GRK1: variants seen among roughly 807,000 people sequenced by gnomAD.
GRK1 encodes rhodopsin kinase GRK1.
A neutral mutation model predicts 41.7 loss-of-function variants in GRK1; 28 were observed. The ratio of observed to expected loss-of-function variants is 0.67; its 90% CI spans 0.50 to 0.92. The LOEUF is 0.92. Ranked by LOEUF, GRK1 falls within the 40% of genes least tolerant of loss-of-function variation. The pLI, the probability that GRK1 is intolerant of heterozygous loss-of-function variation, is 0.00. For missense variants in GRK1, 703 were observed against 671.2 expected (o/e 1.05, Z -0.52); for synonymous variants, 327 against 286.7 (o/e 1.14, Z -1.42).
chr13:113,730,040 C>T (rs2049923714), intron 4 of GRK1, among the ~76,000 whole-genome samples: 1 of 148,236 alleles, frequency 6.7e-6, no homozygotes, highest in African/African-American at 2.5e-5. Context: ...CGTGGCTGCA[C>T]CCAGACCCGT....
chr13:113,724,011 T>G (rs1202576987), intron 4 of GRK1, among the ~76,000 whole-genome samples: 2 of 152,196 alleles, frequency 1.3e-5, no homozygotes, highest in African/African-American at 4.8e-5. Flanking sequence ...TGTGTCCGTG[T>G]GCCTGTATGT....
At chr13:113,653,367 G>A in the GRK1 span, 2 of 1,614,194 alleles carry the variant, frequency 1.2e-6, no homozygotes, top group Non-Finnish European at 8.5e-7. Flanking sequence ...CCCAGGTTCT[G>A]TTATCAGAGA....
the GRK1 span, chr13:113,650,326 G>A: frequency 4.5e-6 from 6 of 1,324,998 alleles, no homozygotes; most frequent in Non-Finnish European, 6.5e-6. This position sits in a 1 kb window ranked among gnomAD's most constrained non-coding sequence, Gnocchi z 5.0. Flanking sequence ...TCTACATGAA[G>A]GGGCTTATTG....
At chr13:113,666,617 C>A (rs2049820996), upstream of GRK1, among the ~76,000 whole-genome samples, 1 of 152,072 alleles carries the variant, frequency 6.6e-6, no homozygotes, top group African/African-American at 2.4e-5. Flanking sequence ...CTCCGGGGAT[C>A]TTCTGCTCCC....
chr13:113,651,498 A>T, the GRK1 span, among the ~76,000 whole-genome samples: 17 of 152,174 alleles, frequency 1.1e-4, no homozygotes, highest in African/African-American at 3.9e-4. Flanking sequence ...GCTGGGTTTT[A>T]CCCGCCATGG....
At chr13:113,655,792 G>A in the GRK1 span, among the ~76,000 whole-genome samples, 1 of 152,238 alleles carries the variant, frequency 6.6e-6, no homozygotes, top group Non-Finnish European at 1.5e-5. Flanking sequence ...CATGGATTCT[G>A]CTTAGTGAGC....
chr13:113,663,652 G>A (rs977129907), upstream of GRK1, among the ~76,000 whole-genome samples: 1 of 152,182 alleles, frequency 6.6e-6, no homozygotes, highest in African/African-American at 2.4e-5. Context: ...CAAAAGATGT[G>A]AAGAGACATT....
At chr13:113,668,380 G>C (rs1345683340) in intron 1 of GRK1, among the ~76,000 whole-genome samples, 1 of 152,220 alleles carries the variant, frequency 6.6e-6, no homozygotes, top group African/African-American at 2.4e-5. Context: ...AAGTGTGGGG[G>C]AAAGAGGACC....
At chr13:113,653,529 G>T in the GRK1 span, 2 of 1,077,718 alleles carry the variant, frequency 1.9e-6, no homozygotes, top group Non-Finnish European at 2.8e-6. Flanking sequence ...AGAGGCGGTG[G>T]CCCAACCCAG....
At chr13:113,666,280 C>T (rs1429600420), upstream of GRK1, among the ~76,000 whole-genome samples, 2 of 149,280 alleles carry the variant, frequency 1.3e-5, no homozygotes, top group Non-Finnish European at 3.0e-5. Flanking sequence ...TCAGGTGTGC[C>T]CCAGGTGTGT....
At chr13:113,732,496 C>A (rs1048640740) in intron 5 of GRK1, among the ~76,000 whole-genome samples, 4 of 152,196 alleles carry the variant, frequency 2.6e-5, no homozygotes, top group Admixed American at 2.0e-4. Flanking sequence ...GGAAGTGAGA[C>A]CTTGGCAGCA....
chr13:113,654,597 C>T, the GRK1 span, among the ~76,000 whole-genome samples: 50 of 152,358 alleles, frequency 3.3e-4, no homozygotes, highest in South Asian at 0.01. Context: ...AACTAAGGGG[C>T]CGCTTATGCC....
At chr13:113,733,666 T>C (rs1490344821) in intron 6 of GRK1, among the ~76,000 whole-genome samples, 20 of 92,980 alleles carry the variant, frequency 2.2e-4, no homozygotes, top group African/African-American at 9.1e-4. Context: ...TGTGTGCGTG[T>C]GTGCACGTGT....
In GRK1 at chr13:113,671,813, G is replaced by A. The variant is rs896228651; in HGVS notation, c.985+157G>A. On this transcript the variant is annotated intron_variant, in intron 3 of 6. Transcript: ENST00000335678. The surrounding 1 kb of genome is among the most constrained non-coding windows in gnomAD (Gnocchi z 4.1). ...CTTCGTGGACGGTGGAGGTGTCATCGGGCACCAGGAGTCACAGGAGTGAGT... is the reference window on the plus strand; with the variant it reads ...CTTCGTGGACGGTGGAGGTGTCATCAGGCACCAGGAGTCACAGGAGTGAGT... Among the ~76,000 whole-genome samples the A allele has an allele frequency of 7.3e-4, 111 of 152,158 alleles. 4 individuals carry two copies. The East Asian group carries it at 0.017, about 24-fold the overall frequency.
At chr13:113,651,361 G>A in the GRK1 span, among the ~76,000 whole-genome samples, 2 of 152,190 alleles carry the variant, frequency 1.3e-5, no homozygotes, top group African/African-American at 4.8e-5. Context: ...ACATAAAAAG[G>A]ACAGAACTGG....
intron 6 of GRK1, among the ~76,000 whole-genome samples, chr13:113,733,803 CTGTGTGCATACG>C (rs1270942535): frequency 2.8e-5 from 2 of 70,766 alleles, no homozygotes; most frequent in Admixed American, 1.5e-4. Flanking sequence ...GTATGTGTAT[CTGTGTGCATACG>C]TGTGTGCGTG....
chr13:113,668,302 C>T (rs977671704), intron 1 of GRK1, among the ~76,000 whole-genome samples: 3 of 152,242 alleles, frequency 2.0e-5, no homozygotes, highest in African/African-American at 7.2e-5. Context: ...GGAGAGTGAC[C>T]TCCACATTTT....
chr13:113,733,909 ACAGTGTGCG>A (rs2049974796), intron 6 of GRK1, among the ~76,000 whole-genome samples: 1 of 57,230 alleles, frequency 1.7e-5, no homozygotes, highest in Non-Finnish European at 2.9e-5. Context: ...ATGTGTGCAT[ACAGTGTGCG>A]TGTGTGCATG....
chr13:113,650,599 G>A, the GRK1 span: 15 of 909,530 alleles, frequency 1.6e-5, no homozygotes, highest in African/African-American at 9.9e-5. This position sits in a 1 kb window ranked among gnomAD's most constrained non-coding sequence, Gnocchi z 5.0. Context: ...GCACACACGC[G>A]CTGTGTAGGT....
Sources: gnomAD v4.1 joint callset for allele counts (sites outside exome capture counted in the v4.1 genomes callset) on GRCh38, gnomAD v4.1.1 for gene constraint, Gnocchi (gnomAD v3.1) non-coding constraint, MANE v1.5 for transcripts, NCBI Gene and HGNC (gene_info 2026-07-23, HGNC 2026-07-21) for gene names.